The following IPO11 variants were observed in gnomAD, a reference collection of about 807,000 sequenced individuals.
IPO11 encodes the protein importin 11, also known as importin-11.
Under a neutral mutation model 143.2 loss-of-function variants are expected in IPO11, and 66 were observed. The observed-to-expected ratio is 0.46, with a 90% confidence interval of 0.38 to 0.57. The LOEUF is 0.57. Ranked by LOEUF, IPO11 falls within the 20% of genes least tolerant of loss-of-function variation. The probability of loss-of-function intolerance (pLI) is 0.00; values close to 1 mark genes in which losing one functional copy is unlikely to be tolerated. For synonymous variants in IPO11, 385 were observed against 377.8 expected (o/e 1.02, Z -0.22); for missense variants, 1,026 against 1,141.0 (o/e 0.90, Z 1.45).
intron 27 of IPO11, among the ~76,000 whole-genome samples, chr5:62,577,345 T>C (rs1287844886): frequency 6.6e-6 from 1 of 152,204 alleles, no homozygotes; most frequent in Admixed American, 6.5e-5. Flanking sequence ...CTTTGCATCC[T>C]AATAAGTGTT....
Position 62,480,618 on chromosome 5 carries a change from C to T in IPO11, c.829-2483C>T, listed in dbSNP as rs146040045. Among the ~76,000 whole-genome samples the T allele has an allele frequency of 2.7e-3, 404 of 152,184 alleles. 9 individuals carry two copies. In the East Asian group the frequency reaches 0.047, roughly 18 times the overall value. On this transcript the variant is annotated intron_variant, in intron 9 of 29. Transcript: ENST00000325324. The stretch of plus-strand genomic sequence containing the variant: ...GTTTGTGTCCTCTTATTTTGTTGAG[C>T]AGTGGTTTGTAGTTCTTCTTGAAGA...
chr5:62,489,196 T>C (rs1377771420), intron 13 of IPO11, 106 bp from the exon 14 acceptor site: 5 of 572,568 alleles, frequency 8.7e-6, no homozygotes, highest in Non-Finnish European at 1.4e-5. Context: ...AAATGTGTTA[T>C]ACTTAATTGA....
At chr5:62,589,647 A>G (rs774085542) in intron 27 of IPO11, among the ~76,000 whole-genome samples, 4 of 152,242 alleles carry the variant, frequency 2.6e-5, no homozygotes, top group East Asian at 3.9e-4. Context: ...CTCACCAACA[A>G]TCATACTCCC....
chr5:62,559,468 G>C (rs1317483763), intron 26 of IPO11, among the ~76,000 whole-genome samples: 1 of 151,994 alleles, frequency 6.6e-6, no homozygotes, highest in Non-Finnish European at 1.5e-5. Context: ...CTCAGATTCT[G>C]CTGCTGCTTT....
chr5:62,608,033 G>GT (rs1249203204), intron 29 of IPO11, among the ~76,000 whole-genome samples: 2 of 152,222 alleles, frequency 1.3e-5, no homozygotes, highest in African/African-American at 4.8e-5. Flanking sequence ...TGGCCAGGCT[G>GT]TTCCTGAACT....
At chr5:62,502,170 A>G (rs1741367537) in intron 16 of IPO11, among the ~76,000 whole-genome samples, 1 of 152,092 alleles carries the variant, frequency 6.6e-6, no homozygotes, top group African/African-American at 2.4e-5. Context: ...GGATCTGTCC[A>G]ATGTTTCTTA....
chr5:62,524,702 A>G (rs1184296986), intron 20 of IPO11, among the ~76,000 whole-genome samples: 1 of 152,192 alleles, frequency 6.6e-6, no homozygotes, highest in Non-Finnish European at 1.5e-5. Context: ...GATTTAATAT[A>G]CAGTGCAGTG....
chr5:62,544,111 A>C (rs1439778287), intron 24 of IPO11, among the ~76,000 whole-genome samples: 1 of 152,092 alleles, frequency 6.6e-6, no homozygotes, highest in Non-Finnish European at 1.5e-5. Flanking sequence ...TATGAGGCCA[A>C]CATCATCCTG....
intron 16 of IPO11, among the ~76,000 whole-genome samples, chr5:62,501,781 C>T (rs559346422): frequency 6.6e-6 from 1 of 152,130 alleles, no homozygotes; most frequent in African/African-American, 2.4e-5. Context: ...TAGGAAAGAA[C>T]CCAAGAATGA....
At position 62,550,364 on chromosome 5, in the gene IPO11, T is replaced by C. The variant is rs558020241; in HGVS notation, c.2251-3T>C. 121 of 1,606,156 alleles carry C rather than the reference T, an allele frequency of 7.5e-5. No homozygotes were observed. Among genetic ancestry groups the C allele is most frequent in the Non-Finnish European group, 9.7e-5 (114 of 1,173,850 alleles). ...ATCACCAATCTTTCTTTCTGGTTTTTAGGTTGTGGAAAATGCCCTTAAAGT... is the reference window on the plus strand; with the variant it reads ...ATCACCAATCTTTCTTTCTGGTTTTCAGGTTGTGGAAAATGCCCTTAAAGT... On this transcript the variant is annotated splice_polypyrimidine_tract_variant and splice_region_variant and intron_variant, in intron 24 of 29. Transcript: ENST00000325324.
At chr5:62,622,998 T>C (rs1316100511) in intron 29 of IPO11, among the ~76,000 whole-genome samples, 1 of 152,220 alleles carries the variant, frequency 6.6e-6, no homozygotes, top group Non-Finnish European at 1.5e-5. Context: ...CCCTGTTGAT[T>C]AAGTGGGTTC....
intron 6 of IPO11, among the ~76,000 whole-genome samples, 160 bp downstream of exon 6, chr5:62,467,423 A>G (rs1745609693): frequency 6.6e-6 from 1 of 151,260 alleles, no homozygotes; most frequent in Non-Finnish European, 1.5e-5. Context: ...TTGTGGCAGT[A>G]GCTCTTCCTC....
intron 15 of IPO11, among the ~76,000 whole-genome samples, chr5:62,493,271 A>C (rs1741012908): frequency 6.6e-6 from 1 of 152,324 alleles, no homozygotes; most frequent in Non-Finnish European, 1.5e-5. Flanking sequence ...TAATCTTCAT[A>C]GTATTAACAG....
chr5:62,448,243 G>C (rs1254098231), intron 3 of IPO11, among the ~76,000 whole-genome samples: 1 of 151,706 alleles, frequency 6.6e-6, no homozygotes, highest in Admixed American at 6.6e-5. Context: ...TGTACAGCAT[G>C]GGTGTGCTTG....
chr5:62,462,078 C>G (rs1745380404), intron 5 of IPO11, among the ~76,000 whole-genome samples: 1 of 152,032 alleles, frequency 6.6e-6, no homozygotes, highest in Non-Finnish European at 1.5e-5. Context: ...CTAACTTTGC[C>G]ATTAATATCT....
chr5:62,483,446 A>G (rs1322744515), intron 10 of IPO11, 153 bp downstream of exon 10: 4 of 562,340 alleles, frequency 7.1e-6, no homozygotes, highest in South Asian at 5.3e-5. Context: ...AGGCTTTAGT[A>G]TGTTTATACT....
chr5:62,490,511 G>T (rs1439828574), intron 15 of IPO11, among the ~76,000 whole-genome samples: 1 of 152,126 alleles, frequency 6.6e-6, no homozygotes. Context: ...CAGGATGTAT[G>T]CCTAGTGTCA....
Position 62,551,341 on chromosome 5 carries a change from GAATC to G in IPO11, c.2460+9_2460+12del. On this transcript the variant is annotated splice_donor_region_variant and intron_variant, in intron 26 of 29. Transcript: ENST00000325324. ...GCCCATAAATTTAATCAGGAGGTAA[GAATC>G]AATATACTTAAATTTAAGGAAGTCT... 1 of 1,336,720 alleles carries G rather than the reference GAATC, an allele frequency of 7.5e-7. No individual in the cohort carries two copies. Among genetic ancestry groups the G allele is most frequent in the Non-Finnish European group, 1.1e-6 (1 of 931,830 alleles). 82.8% of individuals were successfully genotyped at this position (1,336,720 alleles called of 1,614,324 possible).
chr5:62,445,614 G>C (rs978045001), intron 3 of IPO11, among the ~76,000 whole-genome samples: 15 of 151,828 alleles, frequency 9.9e-5, no homozygotes, highest in Admixed American at 7.9e-4. Flanking sequence ...TTCATTTTCA[G>C]TACAGTGTTC....
Sources: allele counts gnomAD v4.1 joint callset (sites outside exome capture counted in the v4.1 genomes callset), GRCh38; gene constraint gnomAD v4.1.1; transcripts MANE v1.5; gene names NCBI Gene and HGNC (gene_info 2026-07-23, HGNC 2026-07-21).